The following HSP90AA1 variants were observed in gnomAD, a reference collection of about 807,000 sequenced individuals.
HSP90AA1 encodes the protein heat shock protein HSP 90-alpha.
In HSP90AA1, 18 loss-of-function variants were observed where a neutral mutation model predicts 73.3. That is an observed-to-expected ratio of 0.25 (90% CI 0.17 to 0.36). HSP90AA1 has a LOEUF of 0.36. HSP90AA1 is among the 10% of genes least tolerant of loss of function. The pLI is 1.00. For synonymous variants in HSP90AA1, 477 were observed against 296.9 expected (o/e 1.61, Z -6.24); for missense variants, 704 against 874.2 (o/e 0.81, Z 2.45).
chr14:102,081,605 C>A lies in HSP90AA1; in HGVS notation c.*107G>T. On this transcript the variant is annotated 3_prime_UTR_variant, in exon 11 of 11. Transcript: ENST00000216281. ...CTTCCCCTTAAAGTAGTTGTCATGC[C>A]ATACAGACTTTTTAATATTAACAAA... 1 of 730,152 alleles carries A rather than the reference C, an allele frequency of 1.4e-6. No individual in the cohort carries two copies. The highest frequency in any genetic ancestry group is 1.4e-5 in the South Asian group (1 of 69,104). 45.2% of individuals were successfully genotyped at this position (730,152 alleles called of 1,614,324 possible).
intron 8 of HSP90AA1, 81 bp downstream of exon 8, chr14:102,083,465 C>T: frequency 6.9e-7 from 1 of 1,452,876 alleles, no homozygotes; most frequent in Admixed American, 1.7e-5. Context: ...TGTAACAGTG[C>T]TACCTGAGTA....
intron 1 of HSP90AA1, among the ~76,000 whole-genome samples, chr14:102,127,645 T>TTA (rs200350335): frequency 0.014 from 2,163 of 152,224 alleles, 22 homozygotes; most frequent in Middle Eastern, 0.041. Context: ...TTTTGTTTTA[T>TTA]TATATATATA....
At chr14:102,112,096 G>C (rs1013218111) in intron 1 of HSP90AA1, among the ~76,000 whole-genome samples, 2 of 152,108 alleles carry the variant, frequency 1.3e-5, no homozygotes, top group Non-Finnish European at 2.9e-5. Context: ...AATTTTACTT[G>C]AAGATTTTGT....
At chr14:102,087,217 G>A, upstream of HSP90AA1, 1 of 958,852 alleles carries the variant, frequency 1.0e-6, no homozygotes, top group Non-Finnish European at 1.2e-6. Flanking sequence ...TCCTGCGGGC[G>A]CGCGCAGGCC....
chr14:102,138,224 C>T (rs2050075043), intron 1 of HSP90AA1, among the ~76,000 whole-genome samples: 1 of 152,000 alleles, frequency 6.6e-6, no homozygotes, highest in South Asian at 2.1e-4. Context: ...TTTTTTCCCC[C>T]CCCAAAAATT....
At chr14:102,118,010 C>A (rs1265952274) in intron 1 of HSP90AA1, among the ~76,000 whole-genome samples, 1 of 152,190 alleles carries the variant, frequency 6.6e-6, no homozygotes, top group Non-Finnish European at 1.5e-5. Flanking sequence ...CCTGGAGCTG[C>A]CTGCTCCATG....
chr14:102,139,286 C>CT lies in HSP90AA1; in HGVS notation c.118dup (p.Ser40LysfsTer4). 6.2e-7 allele frequency: 1 copy of CT among 1,614,070 alleles called. No individual in the cohort carries two copies. On this transcript the variant is annotated frameshift_variant, in exon 1 of 12. Transcript: ENST00000334701. LOFTEE classifies it high-confidence loss of function. The stretch of plus-strand genomic sequence containing the variant: ...CGGCGGCGAGGAGGCTTCAGAGGGG[C>CT]TTCCTGGGCGGGGATCCAGACGGTC...
chr14:102,080,914 T>C lies in HSP90AA1; in HGVS notation c.*798A>G, dbSNP rs1009094575. On this transcript the variant is annotated 3_prime_UTR_variant, in exon 11 of 11. Transcript: ENST00000216281. ...CACCCCACACCTGCTGAGTACATGC[T>C]GGGAAGACCATGTCAACCCTTGGAG... 2.6e-5 allele frequency: 6 copies of C among 228,610 alleles called. No homozygotes were observed. The Admixed American group carries it at 2.8e-4, about 11-fold the overall frequency. 14.2% of individuals were successfully genotyped at this position (228,610 alleles called of 1,614,324 possible). A position where few individuals can be genotyped will look rare whatever the true frequency, so the allele number is the denominator to read the frequency against.
In HSP90AA1 at chr14:102,084,977, C is replaced by G; in HGVS notation, c.685G>C (p.Glu229Gln). The change falls in exon 5 of 11, where the codon GAA becomes CAA. Residue 229 changes from glutamate to glutamine, a missense_variant. Glu to Gln is a conservative substitution (Grantham distance 29, BLOSUM62 2). Transcript: ENST00000216281. ...TCTTCAGCCTCATCATCGCTTACTT[C>G]TTTATCACGTTCCTTCTCCACCTTC... Reference protein sequence around the residue: ...TLFVEKERDKEVSDDEAEEKE... With the variant: ...TLFVEKERDKQVSDDEAEEKE... 1 of 1,613,236 alleles carries G rather than the reference C, an allele frequency of 6.2e-7. No homozygotes were observed. Among genetic ancestry groups the G allele is most frequent in the Middle Eastern group, 1.7e-4 (1 of 6,058 alleles).
intron 1 of HSP90AA1, among the ~76,000 whole-genome samples, chr14:102,103,581 A>G (rs2049524261): frequency 6.6e-6 from 1 of 152,008 alleles, no homozygotes. Flanking sequence ...AGGGGGGTGG[A>G]TCACCTGAGG....
exon 1 of HSP90AA1, chr14:102,139,370 G>C (rs1334838640): frequency 6.2e-7 from 1 of 1,601,736 alleles, no homozygotes; most frequent in South Asian, 1.1e-5. Flanking sequence ...GGGCCCAGGA[G>C]GGGTGGAGCC....
rs369937966 is a variant in HSP90AA1 at position 102,116,995 on chromosome 14, G to GGCACCC, written c.156-14916_156-14911dup. 1.7e-3 allele frequency among the ~76,000 whole-genome samples: 251 copies of GGCACCC among 152,076 alleles called. 3 individuals are homozygous for GGCACCC. The highest frequency in any genetic ancestry group is 5.9e-3 in the African/African-American group (245 of 41,478). ...TGCTGCCTGGCCTCTCCCCACTCCT[G>GGCACCC]GCACCCACTCCGATCTCAGAGTGGC... is the stretch of plus-strand genomic sequence containing the variant. On this transcript the variant is annotated intron_variant, in intron 1 of 11. Transcript: ENST00000334701.
chr14:102,084,723 A>G lies in HSP90AA1; in HGVS notation c.939T>C (p.Tyr313=). ...CTTCCCAGTCATTGGTCAAGCTCTT[A>G]TAGAATTCTCCGTACTCCTCATTAG... ...DITNEEYGEF[Y]KSLTNDWEDH... The change falls in exon 5 of 11, where the codon TAT becomes TAC. Residue 313 remains tyrosine, a synonymous_variant. Transcript: ENST00000216281. 1.2e-6 allele frequency: 2 copies of G among 1,614,116 alleles called. No homozygotes were observed. Among genetic ancestry groups the G allele is most frequent in the South Asian group, 2.2e-5 (2 of 91,074 alleles).
intron 1 of HSP90AA1, among the ~76,000 whole-genome samples, chr14:102,134,082 C>G (rs2049945435): frequency 6.6e-6 from 1 of 150,798 alleles, no homozygotes; most frequent in South Asian, 2.1e-4. Context: ...ACCTGGGAGA[C>G]AGAGGTTGCA....
upstream of HSP90AA1, among the ~76,000 whole-genome samples, chr14:102,090,314 A>C (rs1259928807): frequency 6.6e-6 from 1 of 152,130 alleles, no homozygotes; most frequent in East Asian, 1.9e-4. Flanking sequence ...AGGTTCTCAG[A>C]ATGTGGTGCC....
At chr14:102,092,618 G>A (rs2049373655) in intron 2 of HSP90AA1, among the ~76,000 whole-genome samples, 1 of 152,098 alleles carries the variant, frequency 6.6e-6, no homozygotes, top group Non-Finnish European at 1.5e-5. Flanking sequence ...GGGCAGACAG[G>A]GGCAGGAGGG....
exon 1 of HSP90AA1, chr14:102,139,387 G>T (rs1184300146): frequency 6.3e-7 from 1 of 1,580,422 alleles, no homozygotes; most frequent in South Asian, 1.1e-5. Flanking sequence ...AGCCGTCCCC[G>T]CCCGAACACG....
upstream of HSP90AA1, among the ~76,000 whole-genome samples, chr14:102,090,595 G>A (rs1290470697): frequency 3.9e-5 from 6 of 151,976 alleles, no homozygotes; most frequent in South Asian, 8.3e-4. Context: ...GACTACAGGC[G>A]CCCGCCACCA....
rs2049193608 is a variant in HSP90AA1, at chr14:102,085,079, G to A, written c.664-81C>T. 7 of 1,607,224 alleles carry A rather than the reference G, an allele frequency of 4.4e-6. No individual in the cohort carries two copies. The South Asian group carries it at 5.6e-5, about 13-fold the overall frequency. On this transcript the variant is annotated intron_variant, in intron 4 of 10. Transcript: ENST00000216281. ...CGCTGCACCACTATTTTCAACCTAA[G>A]GCCCAAGTCTAAATTAGCCAACTTG...
Sources: gnomAD v4.1 joint callset for allele counts (sites outside exome capture counted in the v4.1 genomes callset) on GRCh38, gnomAD v4.1.1 for gene constraint, MANE v1.5 for transcripts, NCBI Gene and HGNC (gene_info 2026-07-23, HGNC 2026-07-21) for gene names.